Variants in DNM3 observed in about 807,000 individuals in gnomAD.
DNM3 encodes dynamin-3.
A neutral mutation model predicts 101.6 loss-of-function variants in DNM3; 47 were observed. The ratio of observed to expected loss-of-function variants is 0.46; its 90% CI spans 0.37 to 0.59. The LOEUF (loss-of-function observed/expected upper bound fraction) is 0.59, where lower values mean the gene tolerates loss of function less well. DNM3 is among the 20% of genes least tolerant of loss of function. DNM3 has a pLI of 0.00. For missense variants in DNM3, 849 were observed against 1,085.7 expected, an observed-to-expected ratio of 0.78 and a Z score of 3.06; for synonymous variants, 385 against 387.9, an observed-to-expected ratio of 0.99 and a Z score of 0.09.
At chr1:172,081,963 T>C in intron 12 of DNM3, 61 bp downstream of exon 12, 6 of 1,525,846 alleles carry the variant, frequency 3.9e-6, no homozygotes, top group Non-Finnish European at 5.4e-6. Flanking sequence ...AAACACACAT[T>C]GTGAATTTTT....
At chr1:172,236,624 G>A (rs1400852123) in intron 14 of DNM3, among the ~76,000 whole-genome samples, 1 of 151,998 alleles carries the variant, frequency 6.6e-6, no homozygotes, top group African/African-American at 2.4e-5. Context: ...AGGAAAAGGA[G>A]GGGAAGAAGA....
intron 14 of DNM3, among the ~76,000 whole-genome samples, chr1:172,162,187 A>G (rs760222093): frequency 5.9e-5 from 9 of 152,078 alleles, no homozygotes; most frequent in Non-Finnish European, 1.3e-4. Context: ...AACAATGTGT[A>G]ATTTCTTGCC....
At chr1:171,906,391 C>T (rs1481554312) in intron 1 of DNM3, among the ~76,000 whole-genome samples, 1 of 151,802 alleles carries the variant, frequency 6.6e-6, no homozygotes, top group Non-Finnish European at 1.5e-5. Context: ...GCCTCTCAAA[C>T]TCCTGAGATT....
Position 171,916,891 on chromosome 1 carries a change from C to T in DNM3, c.162-4857C>T, listed in dbSNP as rs16843548. Among the ~76,000 whole-genome samples the T allele has an allele frequency of 8.5e-3, 1,287 of 152,248 alleles. 13 individuals carry two copies. Among genetic ancestry groups the T allele is most frequent in the African/African-American group, 0.03 (1,230 of 41,546 alleles). ...TACAGTTCTGTGATGTTTTGTGCTACTCTGGTCTTCCATGTCTTCGTATAT... is the reference window on the plus strand; with the variant it reads ...TACAGTTCTGTGATGTTTTGTGCTATTCTGGTCTTCCATGTCTTCGTATAT... On this transcript the variant is annotated intron_variant, in intron 1 of 20. Coordinates refer to ENST00000627582, the MANE Select transcript of DNM3 (RefSeq NM_015569.5).
intron 12 of DNM3, among the ~76,000 whole-genome samples, chr1:172,092,155 A>G (rs2053954457): frequency 6.6e-6 from 1 of 152,202 alleles, no homozygotes; most frequent in Non-Finnish European, 1.5e-5. Context: ...TAAATACCCA[A>G]GTGATGAGGT....
At chr1:171,952,581 G>A (rs2042598414) in intron 2 of DNM3, among the ~76,000 whole-genome samples, 1 of 152,082 alleles carries the variant, frequency 6.6e-6, no homozygotes, top group Non-Finnish European at 1.5e-5. Flanking sequence ...GGCCCAGAGG[G>A]GATCCATTTC....
At chr1:171,928,505 G>A (rs112465323) in intron 2 of DNM3, among the ~76,000 whole-genome samples, 99 of 152,248 alleles carry the variant, frequency 6.5e-4, no homozygotes, top group Middle Eastern at 3.4e-3. Context: ...CTGTGCTATG[G>A]GACCAAGCCA....
intron 13 of DNM3, among the ~76,000 whole-genome samples, chr1:172,127,540 C>T (rs1310391417): frequency 6.6e-6 from 1 of 151,484 alleles, no homozygotes; most frequent in Admixed American, 6.6e-5. Context: ...TCCCAAGTAG[C>T]TTGGGACTAC....
At position 172,131,171 on chromosome 1, in the gene DNM3, G is replaced by A. The variant is rs372889478; in HGVS notation, c.1546-4G>A. ...CACCTCTGCTGATTTCTGCTTTTTC[G>A]TAGGTGATTCGCAAGGGGTGGCTCA... On this transcript the variant is annotated splice_polypyrimidine_tract_variant and splice_region_variant and intron_variant, in intron 13 of 20. Coordinates refer to ENST00000627582, the MANE Select transcript of DNM3 (RefSeq NM_015569.5). The A allele has an allele frequency of 3.3e-5, 53 of 1,612,652 alleles. No individual in the cohort carries two copies. Among genetic ancestry groups the A allele is most frequent in the African/African-American group, 1.5e-4 (11 of 74,802 alleles).
At chr1:172,240,087 G>T (rs1045702722) in intron 14 of DNM3, among the ~76,000 whole-genome samples, 23 of 151,960 alleles carry the variant, frequency 1.5e-4, no homozygotes, top group African/African-American at 5.1e-4. Context: ...AGGGAGAAGG[G>T]CTCTTAACTA....
Position 172,350,275 on chromosome 1 carries a change from T to C in DNM3, c.1893+26935T>C, listed in dbSNP as rs1419215869. 3.9e-5 allele frequency among the ~76,000 whole-genome samples: 6 copies of C among 152,006 alleles called. No homozygotes were observed. The East Asian group carries it at 1.2e-3, about 29-fold the overall frequency. ...AGGACTTTTTGGCATAGTAATAACA[T>C]TGCAAAGTTGCTCACATTTTTCATA... On this transcript the variant is annotated intron_variant, in intron 17 of 20. Coordinates refer to ENST00000627582, the MANE Select transcript of DNM3 (RefSeq NM_015569.5).
chr1:172,041,468 T>G (rs10910966), intron 7 of DNM3, among the ~76,000 whole-genome samples: 2 of 151,902 alleles, frequency 1.3e-5, no homozygotes, highest in Non-Finnish European at 2.9e-5. Context: ...TCCAGTACAG[T>G]TGAGCATATG....
chr1:171,921,006 C>G (rs1465906829), intron 1 of DNM3, among the ~76,000 whole-genome samples: 5 of 152,158 alleles, frequency 3.3e-5, no homozygotes, highest in Admixed American at 6.5e-5. Flanking sequence ...CTCACTGCAA[C>G]TCTGCCTCCC....
intron 12 of DNM3, among the ~76,000 whole-genome samples, chr1:172,085,522 A>G (rs2053468489): frequency 6.6e-6 from 1 of 152,148 alleles, no homozygotes; most frequent in South Asian, 2.1e-4. Flanking sequence ...GAGGGACTAT[A>G]GATATGTGCC....
intron 14 of DNM3, among the ~76,000 whole-genome samples, chr1:172,221,225 A>G (rs1472230639): frequency 6.6e-6 from 1 of 152,144 alleles, no homozygotes; most frequent in Non-Finnish European, 1.5e-5. Flanking sequence ...AAAAGTACTC[A>G]ATTAGATTTC....
intron 14 of DNM3, among the ~76,000 whole-genome samples, chr1:172,180,138 A>G (rs945616460): frequency 2.0e-5 from 3 of 152,088 alleles, no homozygotes; most frequent in Non-Finnish European, 4.4e-5. Flanking sequence ...AATCTAGTCT[A>G]TGTGGATATA....
chr1:172,239,582 G>A (rs894499259), intron 14 of DNM3, among the ~76,000 whole-genome samples: 2 of 151,990 alleles, frequency 1.3e-5, no homozygotes, highest in Non-Finnish European at 2.9e-5. Flanking sequence ...ATTTCCTCTT[G>A]CTGCACTACC....
At chr1:171,927,818 T>C (rs755427087) in intron 2 of DNM3, among the ~76,000 whole-genome samples, 21 of 152,204 alleles carry the variant, frequency 1.4e-4, no homozygotes, top group Non-Finnish European at 2.5e-4. Flanking sequence ...TTTGTGTCCA[T>C]ATTCTGAATT....
chr1:172,303,859 T>A (rs1449345697), intron 15 of DNM3, among the ~76,000 whole-genome samples: 3 of 152,124 alleles, frequency 2.0e-5, no homozygotes, highest in Non-Finnish European at 4.4e-5. Context: ...AGACCTGCCT[T>A]ATAAGAGCTT....
Sources: allele counts gnomAD v4.1 joint callset (sites outside exome capture counted in the v4.1 genomes callset), GRCh38; gene constraint gnomAD v4.1.1; transcripts MANE v1.5; gene names NCBI Gene and HGNC (gene_info 2026-07-23, HGNC 2026-07-21).